Variants in SUGCT observed in about 807,000 individuals in gnomAD.
SUGCT encodes the protein succinyl-CoA:glutarate CoA-transferase.
Under a neutral mutation model 55.0 loss-of-function variants are expected in SUGCT, and 41 were observed. The ratio of observed to expected loss-of-function variants is 0.74; its 90% CI spans 0.58 to 0.97. The LOEUF is 0.97. Among genes scored for constraint, SUGCT ranks in the 50% least tolerant of loss-of-function variants. The probability of loss-of-function intolerance (pLI) is 0.00; values close to 1 mark genes in which losing one functional copy is unlikely to be tolerated. For synonymous variants in SUGCT, 187 were observed against 200.4 expected (o/e 0.93, Z 0.56); for missense variants, 568 against 547.8 (o/e 1.04, Z -0.37).
Position 40,335,685 on chromosome 7 carries a change from A to G in SUGCT, c.816+18830A>G, listed in dbSNP as rs567341961. On this transcript the variant is annotated intron_variant, in intron 9 of 13. Coordinates refer to ENST00000335693, the MANE Select transcript of SUGCT (RefSeq NM_001193313.2). Reference sequence around the variant, plus strand: ...GGTTTTCTAGATATACAATCATGTCATCTGCAAACAGGGACAATTTGACTT... The same window carrying G: ...GGTTTTCTAGATATACAATCATGTCGTCTGCAAACAGGGACAATTTGACTT... 1.2e-3 allele frequency among the ~76,000 whole-genome samples: 180 copies of G among 152,324 alleles called. 1 individual carries two copies. The highest frequency in any genetic ancestry group is 4.1e-3 in the African/African-American group (169 of 41,572).
intron 9 of SUGCT, 105 bp downstream of exon 9, chr7:40,316,960 T>TTTTTTTTG (rs1554309242): frequency 1.1e-4 from 55 of 521,554 alleles, no homozygotes; most frequent in Admixed American, 1.5e-4. Flanking sequence ...CAGCTGTTTT[T>TTTTTTTTG]TTTTTTTTTT....
intron 9 of SUGCT, among the ~76,000 whole-genome samples, chr7:40,395,396 C>T (rs1027752310): frequency 4.9e-5 from 7 of 142,106 alleles, no homozygotes; most frequent in South Asian, 2.2e-4. Context: ...GGCTGAGGCA[C>T]GAGAATCACT....
chr7:40,301,310 C>T (rs1794523917), intron 8 of SUGCT, among the ~76,000 whole-genome samples: 1 of 152,142 alleles, frequency 6.6e-6, no homozygotes. Flanking sequence ...AATAAAACAG[C>T]ATTAATATAG....
chr7:40,894,233 G>A, the SUGCT span, among the ~76,000 whole-genome samples: 1 of 152,056 alleles, frequency 6.6e-6, no homozygotes, highest in African/African-American at 2.4e-5. Context: ...TTGGGAGAAA[G>A]GGATCCCTAT....
At chr7:40,216,109 CT>C (rs74272038) in intron 6 of SUGCT, among the ~76,000 whole-genome samples, 1,566 of 127,948 alleles carry the variant, frequency 0.012, 7 homozygotes, top group African/African-American at 0.019. Flanking sequence ...CAGAGAAAGG[CT>C]TTTTTTTTTT....
intron 9 of SUGCT, among the ~76,000 whole-genome samples, chr7:40,398,515 C>CTTTTTTTTTTTTTTTTTTTATTTTTTTT (rs138325012): frequency 7.6e-6 from 1 of 130,936 alleles, no homozygotes. Context: ...ACTTTACTGG[C>CTTTTTTTTTTTTTTTTTTTATTTTTTTT]TTTTTTTTTT....
intron 6 of SUGCT, among the ~76,000 whole-genome samples, chr7:40,224,965 C>T (rs938175202): frequency 1.3e-5 from 2 of 152,142 alleles, no homozygotes; most frequent in African/African-American, 2.4e-5. Context: ...TGGGAGAAGC[C>T]CCAGCTGTGT....
chr7:40,267,887 T>TTCTG (rs1202147443), intron 7 of SUGCT, among the ~76,000 whole-genome samples: 1 of 152,218 alleles, frequency 6.6e-6, no homozygotes, highest in Non-Finnish European at 1.5e-5. Context: ...AGAATTGTAC[T>TTCTG]AAGGAGTGAA....
chr7:40,221,308 G>T (rs1000665672), intron 6 of SUGCT, among the ~76,000 whole-genome samples: 3 of 150,986 alleles, frequency 2.0e-5, no homozygotes, highest in Non-Finnish European at 4.4e-5. Context: ...CAGCTACTTG[G>T]GAGGGTGAGG....
chr7:40,501,257 G>A (rs928355734), intron 12 of SUGCT, among the ~76,000 whole-genome samples: 1 of 151,874 alleles, frequency 6.6e-6, no homozygotes, highest in African/African-American at 2.4e-5. Context: ...ATCATCCCTG[G>A]GTGTAATATT....
chr7:40,393,091 C>G (rs1442937956), intron 9 of SUGCT, among the ~76,000 whole-genome samples: 1 of 152,082 alleles, frequency 6.6e-6, no homozygotes, highest in Admixed American at 6.6e-5. Context: ...GGGGTGGAAA[C>G]AGTTGAGGAA....
At chr7:40,721,570 GTCACCAA>G (rs1213643082) in intron 12 of SUGCT, among the ~76,000 whole-genome samples, 1 of 152,218 alleles carries the variant, frequency 6.6e-6, no homozygotes, top group African/African-American at 2.4e-5. Flanking sequence ...ACTACCATCT[GTCACCAA>G]GCTACAGCCA....
At chr7:40,225,968 A>G (rs1055538027) in intron 6 of SUGCT, among the ~76,000 whole-genome samples, 2 of 152,194 alleles carry the variant, frequency 1.3e-5, no homozygotes, top group African/African-American at 2.4e-5. Flanking sequence ...TGAAGCACCA[A>G]CACAGTCCCT....
chr7:40,788,593 G>T (rs1790153470), intron 13 of SUGCT, among the ~76,000 whole-genome samples: 1 of 152,224 alleles, frequency 6.6e-6, no homozygotes, highest in Non-Finnish European at 1.5e-5. Context: ...AACATGTTGA[G>T]CCTATAAAGT....
At chr7:40,556,014 T>G (rs1388734055) in intron 12 of SUGCT, among the ~76,000 whole-genome samples, 2 of 152,300 alleles carry the variant, frequency 1.3e-5, no homozygotes, top group East Asian at 1.9e-4. Context: ...CCTGTCTTTC[T>G]GCCAACACAT....
the SUGCT span, among the ~76,000 whole-genome samples, chr7:40,874,966 C>T: frequency 6.6e-6 from 1 of 152,360 alleles, no homozygotes; most frequent in Non-Finnish European, 1.5e-5. Flanking sequence ...AGGCAGATCC[C>T]ATATGCCACT....
intron 9 of SUGCT, among the ~76,000 whole-genome samples, chr7:40,404,432 T>A (rs376103221): frequency 1.3e-4 from 19 of 151,728 alleles, no homozygotes; most frequent in African/African-American, 4.1e-4. Context: ...CAGAGAAGGA[T>A]CCACTTGACT....
At chr7:40,597,488 T>C (rs886279708) in intron 12 of SUGCT, among the ~76,000 whole-genome samples, 10 of 152,224 alleles carry the variant, frequency 6.6e-5, no homozygotes, top group Admixed American at 4.6e-4. Context: ...GTGGTAGTCA[T>C]CAGTGCTGTT....
intron 8 of SUGCT, among the ~76,000 whole-genome samples, chr7:40,296,758 G>T (rs752544273): frequency 6.6e-6 from 1 of 151,296 alleles, no homozygotes; most frequent in Admixed American, 6.6e-5. Flanking sequence ...TCTCTCTTTC[G>T]TGTGTGTGTG....
Sources: allele counts gnomAD v4.1 joint callset (sites outside exome capture counted in the v4.1 genomes callset), GRCh38; gene constraint gnomAD v4.1.1; transcripts MANE v1.5; gene names NCBI Gene and HGNC (gene_info 2026-07-23, HGNC 2026-07-21).